Variants in ADARB2 observed in about 807,000 individuals in gnomAD.
ADARB2 encodes the protein inactive double-stranded RNA-specific editase B2.
A neutral mutation model predicts 62.2 loss-of-function variants in ADARB2; 25 were observed. The ratio of observed to expected loss-of-function variants is 0.40; its 90% CI spans 0.29 to 0.56. The LOEUF is 0.56. ADARB2 is among the 20% of genes least tolerant of loss of function. ADARB2 has a pLI of 0.43. For synonymous variants in ADARB2, 572 were observed against 500.8 expected (o/e 1.14, Z -1.90); for missense variants, 1,071 against 1,077.4 (o/e 0.99, Z 0.08).
At chr10:1,643,595 T>C (rs996270366) in intron 1 of ADARB2, among the ~76,000 whole-genome samples, 6 of 152,168 alleles carry the variant, frequency 3.9e-5, no homozygotes, top group Middle Eastern at 3.2e-3. Context: ...GGAGCTGCCA[T>C]GACCTGGGAG....
Position 1,698,413 on chromosome 10 carries a change from T to C in ADARB2, c.100+38638A>G, listed in dbSNP as rs561222645. Among the ~76,000 whole-genome samples the C allele has an allele frequency of 6.2e-4, 94 of 152,304 alleles. 1 individual carries two copies. The highest frequency in any genetic ancestry group is 3.4e-3 in the Middle Eastern group (1 of 294). The stretch of plus-strand genomic sequence containing the variant: ...GGGGGCTCTGCGACCTCCGATGTCA[T>C]GCACAGAGCATGGGGGAGAGACATA... On this transcript the variant is annotated intron_variant, in intron 1 of 9. Transcript: ENST00000381312.
chr10:1,585,425 CA>C (rs1168013345), intron 1 of ADARB2, among the ~76,000 whole-genome samples: 1 of 152,186 alleles, frequency 6.6e-6, no homozygotes, highest in Non-Finnish European at 1.5e-5. Flanking sequence ...GATTTGCCCA[CA>C]AGGAAATTCC....
intron 1 of ADARB2, among the ~76,000 whole-genome samples, chr10:1,427,538 C>T (rs142210060): frequency 6.6e-6 from 1 of 152,304 alleles, no homozygotes; most frequent in East Asian, 1.9e-4. Context: ...TACCATATAC[C>T]TGGCAGAATG....
At chr10:1,361,708 G>A (rs1832257223) in intron 3 of ADARB2, 1 of 152,210 alleles carries the variant, frequency 6.6e-6, no homozygotes, top group Non-Finnish European at 1.5e-5. Flanking sequence ...CAGTCTCCCT[G>A]AGCAGTGTCT....
chr10:1,648,220 A>G (rs1467540147), intron 1 of ADARB2, among the ~76,000 whole-genome samples: 1 of 152,204 alleles, frequency 6.6e-6, no homozygotes, highest in Admixed American at 6.5e-5. Flanking sequence ...TCTGTGCTGC[A>G]CTTTCCCCTT....
At chr10:1,705,774 T>A (rs1018658174) in intron 1 of ADARB2, among the ~76,000 whole-genome samples, 6 of 152,216 alleles carry the variant, frequency 3.9e-5, no homozygotes, top group Admixed American at 2.6e-4. Context: ...CAGGGATAGC[T>A]GCCGTCCGCC....
chr10:1,533,060 C>G (rs922836543), intron 1 of ADARB2, among the ~76,000 whole-genome samples: 6 of 151,920 alleles, frequency 3.9e-5, no homozygotes, highest in African/African-American at 1.5e-4. Flanking sequence ...ATTAGATGTT[C>G]CTACTGGGCC....
In ADARB2 at chr10:1,736,934, C is replaced by G. The variant is rs1232451113; in HGVS notation, c.100+117G>C. 2.9e-6 allele frequency: 3 copies of G among 1,045,240 alleles called. No homozygotes were observed. In the Admixed American group the frequency reaches 6.1e-5, roughly 21 times the overall value. 64.7% of individuals were successfully genotyped at this position (1,045,240 alleles called of 1,614,324 possible). On this transcript the variant is annotated intron_variant, in intron 1 of 9. Transcript: ENST00000381312. Reference sequence around the variant, plus strand: ...CGCCCTGCACGGAGCAGCCATCCCGCCAGCACCCCAAAGTGAAGCTGCTCA... The same window carrying G: ...CGCCCTGCACGGAGCAGCCATCCCGGCAGCACCCCAAAGTGAAGCTGCTCA...
intron 1 of ADARB2, among the ~76,000 whole-genome samples, chr10:1,413,661 C>G (rs1248427460): frequency 6.6e-6 from 1 of 152,120 alleles, no homozygotes; most frequent in East Asian, 1.9e-4. Flanking sequence ...CTCACTCAGG[C>G]CCTGCCCCTG....
intron 7 of ADARB2, among the ~76,000 whole-genome samples, chr10:1,201,633 G>A (rs1317819854): frequency 2.0e-5 from 3 of 150,584 alleles, no homozygotes; most frequent in African/African-American, 7.4e-5. Context: ...AAGCCACAGA[G>A]CACCTGTCAC....
intron 1 of ADARB2, among the ~76,000 whole-genome samples, chr10:1,413,530 C>T (rs528377961): frequency 1.3e-5 from 2 of 152,178 alleles, no homozygotes; most frequent in African/African-American, 4.8e-5. Context: ...CAGCCTGTGT[C>T]GTGCACCTGC....
chr10:1,547,995 T>C (rs1309565710), intron 1 of ADARB2, among the ~76,000 whole-genome samples: 1 of 151,998 alleles, frequency 6.6e-6, no homozygotes, highest in Admixed American at 6.5e-5. Flanking sequence ...CTTGACCATA[T>C]AGTTTATTTT....
rs536812817 is a variant in ADARB2 at position 1,353,084 on chromosome 10, T to C, written c.1077+9944A>G. On this transcript the variant is annotated intron_variant, in intron 3 of 9. Coordinates refer to ENST00000381312, the MANE Select transcript of ADARB2 (RefSeq NM_018702.4). ...CTCAGTGTTCCATCTGCTATTCTAC[T>C]ACTCCTCAGGGATTATTCAGGCCCC... Among the ~76,000 whole-genome samples the C allele has an allele frequency of 2.1e-4, 32 of 152,254 alleles. No homozygotes were observed. The South Asian group carries it at 4.8e-3, about 23-fold the overall frequency.
intron 4 of ADARB2, among the ~76,000 whole-genome samples, chr10:1,262,061 A>G (rs1831143012): frequency 1.4e-5 from 2 of 144,360 alleles, no homozygotes; most frequent in African/African-American, 2.7e-5. Context: ...CAAACACCGC[A>G]TATTCTCACT....
chr10:1,478,170 G>A (rs1424020317), intron 1 of ADARB2, among the ~76,000 whole-genome samples: 1 of 152,238 alleles, frequency 6.6e-6, no homozygotes, highest in Non-Finnish European at 1.5e-5. Flanking sequence ...CTAGAACAGT[G>A]TGCAGTGTCT....
chr10:1,486,067 C>T (rs1377377766), intron 1 of ADARB2, among the ~76,000 whole-genome samples: 1 of 152,164 alleles, frequency 6.6e-6, no homozygotes, highest in Non-Finnish European at 1.5e-5. Context: ...GGAGAAGATG[C>T]ACAGTTCCTA....
chr10:1,532,498 C>T (rs1832258143), intron 1 of ADARB2, among the ~76,000 whole-genome samples: 1 of 152,122 alleles, frequency 6.6e-6, no homozygotes, highest in Non-Finnish European at 1.5e-5. Flanking sequence ...TGCTGTGGGC[C>T]TGTAGCTGGG....
chr10:1,200,660 G>C (rs1026573763), intron 7 of ADARB2, among the ~76,000 whole-genome samples: 1 of 152,194 alleles, frequency 6.6e-6, no homozygotes, highest in Non-Finnish European at 1.5e-5. Flanking sequence ...GCCCAGATTG[G>C]AGATGAACAA....
At chr10:1,301,648 C>CT (rs1831574429) in intron 3 of ADARB2, among the ~76,000 whole-genome samples, 1 of 152,054 alleles carries the variant, frequency 6.6e-6, no homozygotes, top group Admixed American at 6.6e-5. Context: ...AGGGTGACTG[C>CT]TTAGGATTTA....
Sources: gnomAD v4.1 joint callset for allele counts (sites outside exome capture counted in the v4.1 genomes callset) on GRCh38, gnomAD v4.1.1 for gene constraint, MANE v1.5 for transcripts, NCBI Gene and HGNC (gene_info 2026-07-23, HGNC 2026-07-21) for gene names.